SNRPN: variants seen among roughly 807,000 people sequenced by gnomAD.
SNRPN encodes small nuclear ribonucleoprotein polypeptide N.
SNRPN carries 7 observed loss-of-function variants against 25.2 expected under a neutral mutation model. The observed-to-expected ratio is 0.28, with a 90% CI of 0.16 to 0.52. SNRPN has a LOEUF of 0.52. SNRPN is among the 20% of genes least tolerant of loss of function. The pLI, the probability that SNRPN is intolerant of heterozygous loss-of-function variation, is 0.96. For synonymous variants in SNRPN, 124 were observed against 110.6 expected (o/e 1.12, Z -0.76); for missense variants, 196 against 322.5 (o/e 0.61, Z 3.00).
rs1203340712 is a variant in SNRPN at position 24,929,612 on chromosome 15, C to T, written c.-391+9488C>T. On this transcript the variant is annotated intron_variant, in intron 3 of 11. Transcript: ENST00000400097. This position sits in a 1 kb window ranked among gnomAD's most constrained non-coding sequence, Gnocchi z 5.3. ...CTTGAGTTCTGGGTGGCAGAAATGGCCCAGGGCCCTGGGCTGAGACCCAGC... is the reference window on the plus strand; with the variant it reads ...CTTGAGTTCTGGGTGGCAGAAATGGTCCAGGGCCCTGGGCTGAGACCCAGC... 6.6e-6 allele frequency among the ~76,000 whole-genome samples: 1 copy of T among 151,890 alleles called. No homozygotes were observed. Among genetic ancestry groups the T allele is most frequent in the East Asian group, 2.0e-4 (1 of 5,122 alleles).
In SNRPN at chr15:24,976,290, A is replaced by C. The variant is rs776903411; in HGVS notation, c.156-15A>C. 1.2e-6 allele frequency: 2 copies of C among 1,606,246 alleles called. No homozygotes were observed. Among genetic ancestry groups the C allele is most frequent in the Admixed American group, 3.3e-5 (2 of 59,942 alleles). On this transcript the variant is annotated splice_polypyrimidine_tract_variant and intron_variant, in intron 5 of 9. Coordinates refer to ENST00000390687, the MANE Select transcript of SNRPN (RefSeq NM_003097.6). ...ACTAAAATTTATCTCACTAAAATTT[A>C]ATTCTGATTTGTAGGCCAAAGAATG...
chr15:24,890,047 CAA>C (rs538959500), intron 2 of SNRPN, among the ~76,000 whole-genome samples: 23 of 84,628 alleles, frequency 2.7e-4, no homozygotes, highest in Admixed American at 2.8e-4. Flanking sequence ...AACTCCATTT[CAA>C]AAAAAAAAAA....
chr15:24,914,083 C>A (rs2059380365), intron 2 of SNRPN, among the ~76,000 whole-genome samples: 1 of 152,114 alleles, frequency 6.6e-6, no homozygotes, highest in Non-Finnish European at 1.5e-5. Flanking sequence ...CTGGTAAAAG[C>A]GTGAGTGTGG....
chr15:24,978,089 C>CT, intron 8 of SNRPN, 104 bp from the exon 9 acceptor site: 1 of 1,294,942 alleles, frequency 7.7e-7, no homozygotes, highest in South Asian at 1.3e-5. Context: ...TTATTTGACT[C>CT]TATCATTGTT....
At chr15:24,852,292 T>C (rs1449767199), upstream of SNRPN, 1 of 152,226 alleles carries the variant, frequency 6.6e-6, no homozygotes, top group Non-Finnish European at 1.5e-5. Flanking sequence ...ATCCTGTCTT[T>C]ACAATATTAT....
At chr15:24,841,343 A>G (rs2143098525) in intron 2 of SNRPN, among the ~76,000 whole-genome samples, 1 of 152,114 alleles carries the variant, frequency 6.6e-6, no homozygotes, top group East Asian at 1.9e-4. Flanking sequence ...CAATGCCTAT[A>G]ATGCACTCAG....
Position 24,865,850 on chromosome 15 carries a change from G to A in SNRPN, c.-579+9134G>A, listed in dbSNP as rs566054952. 3.9e-5 allele frequency among the ~76,000 whole-genome samples: 6 copies of A among 152,238 alleles called. No individual in the cohort carries two copies. The South Asian group carries it at 1.2e-3, about 32-fold the overall frequency. ...AAAGAGACAGATGATAACGAGGCAT[G>A]TCCCACTTCCTGTCCCATCATGACT... is the stretch of plus-strand genomic sequence containing the variant. On this transcript the variant is annotated intron_variant, in intron 1 of 11. Transcript: ENST00000400097.
At chr15:24,830,822 C>G (rs1566801722) in intron 2 of SNRPN, among the ~76,000 whole-genome samples, 1 of 152,026 alleles carries the variant, frequency 6.6e-6, no homozygotes. Flanking sequence ...TAAATGGTTT[C>G]AGGTGTGTTT....
intron 2 of SNRPN, among the ~76,000 whole-genome samples, chr15:24,843,091 A>C (rs2051842281): frequency 6.6e-6 from 1 of 151,712 alleles, no homozygotes; most frequent in Non-Finnish European, 1.5e-5. Flanking sequence ...GTTTTTTTTT[A>C]AGACAGAGTT....
chr15:24,901,047 G>C (rs2058413827), intron 2 of SNRPN, among the ~76,000 whole-genome samples: 1 of 152,154 alleles, frequency 6.6e-6, no homozygotes, highest in African/African-American at 2.4e-5. Flanking sequence ...AGTGAGCTGT[G>C]ATCATGCAAC....
intron 2 of SNRPN, among the ~76,000 whole-genome samples, chr15:24,890,891 A>C (rs1015511171): frequency 6.6e-6 from 1 of 152,058 alleles, no homozygotes; most frequent in Non-Finnish European, 1.5e-5. Flanking sequence ...GAAATAGATA[A>C]AATGCCATTT....
At chr15:24,915,361 C>A (rs777251129) in intron 2 of SNRPN, among the ~76,000 whole-genome samples, 2 of 152,082 alleles carry the variant, frequency 1.3e-5, no homozygotes, top group Admixed American at 6.6e-5. Flanking sequence ...CTCCTGACAT[C>A]GTGATCTGCC....
intron 2 of SNRPN, 125 bp from the exon 3 acceptor site, chr15:24,967,807 G>GGA (rs1293050321): frequency 2.9e-6 from 2 of 697,594 alleles, no homozygotes; most frequent in Non-Finnish European, 4.5e-6. Context: ...GACCCTGTCT[G>GGA]GAAAAAAAAA....
At position 24,923,921 on chromosome 15, in the gene SNRPN, AC is replaced by A. The variant is rs2060206598; in HGVS notation, c.-391+3798del. Among the ~76,000 whole-genome samples the A allele has an allele frequency of 1.5e-4, 2 of 13,026 alleles. 1 individual carries two copies. Among genetic ancestry groups the A allele is most frequent in the Non-Finnish European group, 3.5e-4 (2 of 5,792 alleles). The allele number at this position is 13,026 out of a possible 152,430, so 8.5% of individuals were successfully genotyped here. A position where few individuals can be genotyped will look rare whatever the true frequency, so the allele number is the denominator to read the frequency against. On this transcript the variant is annotated intron_variant, in intron 3 of 11. Coordinates refer to the SNRPN transcript ENST00000400097. ...TGTGTGTGTGTGTGTGTGTATATAA[AC>A]ATTTTTTTTTTTTTTTTTTTTTTTT...
chr15:24,946,413 A>T (rs912192732), intron 3 of SNRPN, among the ~76,000 whole-genome samples: 12 of 152,176 alleles, frequency 7.9e-5, no homozygotes, highest in African/African-American at 2.9e-4. Context: ...TCTCTAAAAA[A>T]AATAAAAAGA....
chr15:24,902,455 A>G (rs777443603), intron 2 of SNRPN, among the ~76,000 whole-genome samples: 26 of 152,214 alleles, frequency 1.7e-4, no homozygotes, highest in African/African-American at 4.8e-5. Flanking sequence ...GAAACTAAGT[A>G]TGAACAGATG....
chr15:24,879,636 T>C (rs1198701662), intron 1 of SNRPN, among the ~76,000 whole-genome samples: 2 of 152,228 alleles, frequency 1.3e-5, no homozygotes, highest in African/African-American at 4.8e-5. Context: ...CTGTCACCCT[T>C]GTGCTGGAAT....
chr15:24,909,717 A>C (rs2059087437), intron 2 of SNRPN: 1 of 1,239,668 alleles, frequency 8.1e-7, no homozygotes, highest in Admixed American at 1.7e-5. Flanking sequence ...TGTATCACCA[A>C]GCGTTTCCGA....
At chr15:24,902,418 G>A (rs2058521229) in intron 2 of SNRPN, among the ~76,000 whole-genome samples, 1 of 152,066 alleles carries the variant, frequency 6.6e-6, no homozygotes, top group South Asian at 2.1e-4. Flanking sequence ...TATCAGGGAA[G>A]AAAAAATGGA....
Sources: gnomAD v4.1 joint callset for allele counts (sites outside exome capture counted in the v4.1 genomes callset) on GRCh38, gnomAD v4.1.1 for gene constraint, Gnocchi (gnomAD v3.1) non-coding constraint, MANE v1.5 for transcripts, NCBI Gene and HGNC (gene_info 2026-07-23, HGNC 2026-07-21) for gene names.